Variants in LAPTM4B observed in about 807,000 individuals in gnomAD.
LAPTM4B encodes the protein lysosomal-associated transmembrane protein 4B.
A neutral mutation model predicts 28.5 loss-of-function variants in LAPTM4B; 26 were observed. The ratio of observed to expected loss-of-function variants is 0.91; its 90% CI spans 0.67 to 1.27. The LOEUF is 1.27. LAPTM4B is among the 50% of genes most tolerant of loss of function. The pLI, the probability that LAPTM4B is intolerant of heterozygous loss-of-function variation, is 0.00. For missense variants in LAPTM4B, 288 were observed against 285.8 expected, an observed-to-expected ratio of 1.01 and a Z score of -0.06; for synonymous variants, 109 against 106.4, an observed-to-expected ratio of 1.02 and a Z score of -0.15.
intron 6 of LAPTM4B, among the ~76,000 whole-genome samples, chr8:97,845,048 A>C (rs1817406748): frequency 6.6e-6 from 1 of 152,048 alleles, no homozygotes; most frequent in Admixed American, 6.5e-5. Context: ...TCTTTCACTC[A>C]TTTCTTCTGT....
At chr8:97,827,314 G>A (rs574765487) in intron 6 of LAPTM4B, among the ~76,000 whole-genome samples, 61 of 152,212 alleles carry the variant, frequency 4.0e-4, no homozygotes, top group Admixed American at 1.4e-3. Flanking sequence ...GTCCAGCCTC[G>A]TACCCTGAGG....
chr8:97,849,164 T>A (rs1817478813), intron 6 of LAPTM4B, among the ~76,000 whole-genome samples: 1 of 152,228 alleles, frequency 6.6e-6, no homozygotes. Context: ...CCTACTGGAA[T>A]GTCATCCTCT....
intron 1 of LAPTM4B, among the ~76,000 whole-genome samples, chr8:97,780,044 CTG>C (rs1816284527): frequency 9.9e-6 from 1 of 101,094 alleles, no homozygotes; most frequent in Non-Finnish European, 1.9e-5. Flanking sequence ...GAGTGAGACT[CTG>C]TCTCAAAAAA....
At chr8:97,805,324 C>CTTTTTTTTTTTTTTTTTT (rs386413439) in intron 1 of LAPTM4B, 29 bp from the exon 2 acceptor site, 6 of 843,614 alleles carry the variant, frequency 7.1e-6, no homozygotes, top group Non-Finnish European at 8.9e-6. Flanking sequence ...TACTTAAATT[C>CTTTTTTTTTTTTTTTTTT]TTTTTTTTTT....
chr8:97,793,952 C>T (rs1156541004), intron 1 of LAPTM4B, among the ~76,000 whole-genome samples: 1 of 152,094 alleles, frequency 6.6e-6, no homozygotes, highest in Non-Finnish European at 1.5e-5. Context: ...GGACTGCAGG[C>T]ATACACCACC....
At chr8:97,824,809 A>T (rs62524128) in intron 5 of LAPTM4B, among the ~76,000 whole-genome samples, 1 of 150,984 alleles carries the variant, frequency 6.6e-6, no homozygotes, top group Non-Finnish European at 1.5e-5. Context: ...CCCTCTCCCA[A>T]CTTCCCCCAG....
intron 1 of LAPTM4B, among the ~76,000 whole-genome samples, chr8:97,791,126 G>A (rs367829956): frequency 9.2e-5 from 14 of 152,024 alleles, no homozygotes; most frequent in South Asian, 8.3e-4. Context: ...GTCTGGTCTC[G>A]AGCTTCTGGG....
intron 1 of LAPTM4B, among the ~76,000 whole-genome samples, chr8:97,786,838 C>A (rs532710085): frequency 6.6e-6 from 1 of 152,128 alleles, no homozygotes; most frequent in South Asian, 2.1e-4. Flanking sequence ...AGTAGTGGGC[C>A]TGGGGGTTGC....
intron 2 of LAPTM4B, among the ~76,000 whole-genome samples, chr8:97,810,997 A>T (rs1816817538): frequency 6.6e-6 from 1 of 152,248 alleles, no homozygotes; most frequent in Admixed American, 6.5e-5. Context: ...AAAAGAAGAT[A>T]TCCATAAGAG....
intron 1 of LAPTM4B, among the ~76,000 whole-genome samples, chr8:97,784,690 AG>A (rs1299932952): frequency 1.3e-5 from 2 of 152,168 alleles, no homozygotes; most frequent in Non-Finnish European, 2.9e-5. Context: ...TGCCCACCTC[AG>A]CCTCCCAAAG....
chr8:97,852,422 C>G lies in LAPTM4B; in HGVS notation c.*948C>G, dbSNP rs1217757169. 6.6e-6 allele frequency: 1 copy of G among 152,188 alleles called. No individual in the cohort carries two copies. The highest frequency in any genetic ancestry group is 1.5e-5 in the Non-Finnish European group (1 of 68,050). The allele number at this position is 152,188 out of a possible 1,614,324, so 9.4% of individuals were successfully genotyped here. On this transcript the variant is annotated 3_prime_UTR_variant, in exon 7 of 7. Coordinates refer to ENST00000521545, the MANE Select transcript of LAPTM4B (RefSeq NM_018407.6). The stretch of plus-strand genomic sequence containing the variant: ...GTCTAGTCACCTTTTAAAATGTAAA[C>G]ATTTTCAGAAAAATGAGGATTGCCT...
At chr8:97,829,211 G>T (rs1817140108) in intron 6 of LAPTM4B, among the ~76,000 whole-genome samples, 1 of 152,164 alleles carries the variant, frequency 6.6e-6, no homozygotes, top group Non-Finnish European at 1.5e-5. Flanking sequence ...TGGTGTATAA[G>T]AAAGCGCTTG....
At chr8:97,811,715 C>G (rs2129783131) in intron 2 of LAPTM4B, among the ~76,000 whole-genome samples, 1 of 152,262 alleles carries the variant, frequency 6.6e-6, no homozygotes, top group African/African-American at 2.4e-5. Context: ...CCGGCTTGTG[C>G]ATAAAGATCC....
At chr8:97,794,386 G>A in intron 1 of LAPTM4B, among the ~76,000 whole-genome samples, 1 of 152,044 alleles carries the variant, frequency 6.6e-6, no homozygotes, top group Non-Finnish European at 1.5e-5. Context: ...TGCTGGGATT[G>A]CAAGCGTGAA....
At chr8:97,783,249 T>G (rs1220596620) in intron 1 of LAPTM4B, among the ~76,000 whole-genome samples, 1 of 151,834 alleles carries the variant, frequency 6.6e-6, no homozygotes, top group Non-Finnish European at 1.5e-5. Context: ...TATGACCTGG[T>G]CTTTCTTTTT....
At position 97,805,518 on chromosome 8, in the gene LAPTM4B, C is replaced by T. The variant is rs1167404841; in HGVS notation, c.211+54C>T. 5.3e-6 allele frequency: 5 copies of T among 938,700 alleles called. No individual in the cohort carries two copies. In the East Asian group the frequency reaches 1.2e-4, roughly 22 times the overall value. The allele number at this position is 938,700 out of a possible 1,614,324, so 58.1% of individuals were successfully genotyped here. ...AGGGCAGGGAATCTGACTGCCAGCACTTCCTATTAAATTACAAATATAGAC... is the reference window on the plus strand; with the variant it reads ...AGGGCAGGGAATCTGACTGCCAGCATTTCCTATTAAATTACAAATATAGAC... On this transcript the variant is annotated intron_variant, in intron 2 of 6. Transcript: ENST00000521545.
intron 1 of LAPTM4B, among the ~76,000 whole-genome samples, chr8:97,780,903 T>C (rs940019166): frequency 6.6e-6 from 1 of 152,148 alleles, no homozygotes; most frequent in African/African-American, 2.4e-5. Context: ...TGGGCCACGC[T>C]AACTTTGGGA....
intron 2 of LAPTM4B, among the ~76,000 whole-genome samples, chr8:97,809,474 T>G (rs1816796873): frequency 6.6e-6 from 1 of 151,990 alleles, no homozygotes; most frequent in Non-Finnish European, 1.5e-5. Flanking sequence ...CCAAAGTGGG[T>G]GGATTGCTTG....
Position 97,834,164 on chromosome 8 carries a change from G to A in LAPTM4B, c.603+9011G>A, listed in dbSNP as rs542410663. Among the ~76,000 whole-genome samples, 25 of 67,716 alleles carry A rather than the reference G, an allele frequency of 3.7e-4. No individual in the cohort carries two copies. In the East Asian group the frequency reaches 5.4e-3, roughly 15 times the overall value. The allele number at this position is 67,716 out of a possible 152,430, so 44.4% of individuals were successfully genotyped here. ...CTACAGAAAAAAAAAAAAAATCCAG[G>A]TGGCATGTGCCTGTAGTTCTAGCTA... On this transcript the variant is annotated intron_variant, in intron 6 of 6. Coordinates refer to ENST00000521545, the MANE Select transcript of LAPTM4B (RefSeq NM_018407.6).
Sources: gnomAD v4.1 joint callset for allele counts (sites outside exome capture counted in the v4.1 genomes callset) on GRCh38, gnomAD v4.1.1 for gene constraint, MANE v1.5 for transcripts, NCBI Gene and HGNC (gene_info 2026-07-23, HGNC 2026-07-21) for gene names.